ITGAE: variants seen among roughly 807,000 people sequenced by gnomAD.
The protein encoded by ITGAE is integrin subunit alpha E, also known as integrin alpha-E.
In ITGAE, 99 loss-of-function variants were observed where a neutral mutation model predicts 136.5. The observed-to-expected ratio is 0.73, with a 90% CI of 0.62 to 0.86. The LOEUF (loss-of-function observed/expected upper bound fraction) is 0.86, where lower values mean the gene tolerates loss of function less well. Among genes scored for constraint, ITGAE ranks in the 40% least tolerant of loss-of-function variants. ITGAE has a pLI of 0.00. For missense variants in ITGAE, 1,447 were observed against 1,515.3 expected, an observed-to-expected ratio of 0.95 and a Z score of 0.75; for synonymous variants, 613 against 591.8, an observed-to-expected ratio of 1.04 and a Z score of -0.52.
At position 3,787,108 on chromosome 17, in the gene ITGAE, A is replaced by T. The variant is rs377027099; in HGVS notation, c.35-9448T>A. ...CCTAGCAAACCAGGAATCAGAGGGA[A>T]TTTTTTTTTCCTTTTTTTTTTGAGA... On this transcript the variant is annotated intron_variant, in intron 1 of 30. Coordinates refer to ENST00000263087, the MANE Select transcript of ITGAE (RefSeq NM_002208.5). Among the ~76,000 whole-genome samples, 737 of 149,816 alleles carry T rather than the reference A, an allele frequency of 4.9e-3. 8 individuals carry two copies. The highest frequency in any genetic ancestry group is 0.017 in the African/African-American group (699 of 40,850).
At chr17:3,743,168 C>A (rs1042685310) in intron 19 of ITGAE, among the ~76,000 whole-genome samples, 3 of 152,240 alleles carry the variant, frequency 2.0e-5, no homozygotes, top group Non-Finnish European at 2.9e-5. Flanking sequence ...GTCATCAGAG[C>A]CGCTTGCCAA....
chr17:3,772,556 C>T lies in ITGAE; in HGVS notation c.155+4984G>A, dbSNP rs527493329. Among the ~76,000 whole-genome samples the T allele has an allele frequency of 1.6e-3, 244 of 151,932 alleles. 1 individual carries two copies. Among genetic ancestry groups the T allele is most frequent in the Non-Finnish European group, 4.6e-4 (31 of 67,938 alleles). On this transcript the variant is annotated intron_variant, in intron 2 of 30. Transcript: ENST00000263087. ...TCGGCTCACTGCAAGCTCCGCCTCC[C>T]GCGTTCATGCCATTCTCCTGCCTCA...
At chr17:3,791,392 C>T (rs1467977509) in intron 1 of ITGAE, among the ~76,000 whole-genome samples, 3 of 151,990 alleles carry the variant, frequency 2.0e-5, no homozygotes, top group Non-Finnish European at 1.5e-5. Context: ...AAGTGATTCT[C>T]CTGCCTCAGC....
At chr17:3,755,807 C>T (rs1207255621) in intron 11 of ITGAE, 23 bp downstream of exon 11, 3 of 1,573,796 alleles carry the variant, frequency 1.9e-6, no homozygotes, top group Non-Finnish European at 2.6e-6. Flanking sequence ...GCAAGCCTGC[C>T]TGGTGCTGAG....
intron 2 of ITGAE, among the ~76,000 whole-genome samples, chr17:3,770,318 TG>T (rs2052390947): frequency 6.6e-6 from 1 of 151,458 alleles, no homozygotes; most frequent in Non-Finnish European, 1.5e-5. Context: ...TTAGTAGAGA[TG>T]GGTTTTCACC....
intron 28 of ITGAE, among the ~76,000 whole-genome samples, chr17:3,722,728 T>C (rs879635656): frequency 1.3e-5 from 2 of 152,200 alleles, no homozygotes; most frequent in African/African-American, 2.4e-5. Flanking sequence ...CCAGATCAAG[T>C]ACTGCCTTGC....
At chr17:3,790,376 G>A (rs768567941) in intron 1 of ITGAE, among the ~76,000 whole-genome samples, 121 of 151,990 alleles carry the variant, frequency 8.0e-4, no homozygotes, top group Middle Eastern at 6.8e-3. Context: ...GCGTAGTGGC[G>A]CATGCCTGTA....
chr17:3,754,893 C>T (rs12935954), intron 12 of ITGAE, among the ~76,000 whole-genome samples: 1 of 143,346 alleles, frequency 7.0e-6, no homozygotes, highest in Non-Finnish European at 1.5e-5. Flanking sequence ...CCCTCGCCCA[C>T]GTGGCCTCCA....
intron 28 of ITGAE, 83 bp downstream of exon 28, chr17:3,723,205 T>C: frequency 1.0e-6 from 1 of 959,352 alleles, no homozygotes; most frequent in Non-Finnish European, 1.7e-6. Context: ...GGACATGTTA[T>C]GCAAAGATGC....
intron 19 of ITGAE, among the ~76,000 whole-genome samples, chr17:3,740,317 ATCG>A (rs2051554486): frequency 1.3e-5 from 2 of 152,190 alleles, no homozygotes. Context: ...CTAGCCAAAT[ATCG>A]TCAAGGTCCA....
intron 1 of ITGAE, among the ~76,000 whole-genome samples, chr17:3,789,646 A>G (rs1272220399): frequency 1.3e-5 from 2 of 152,058 alleles, no homozygotes; most frequent in Admixed American, 6.6e-5. Context: ...GATTGCAGGC[A>G]TGTGCCACCA....
chr17:3,771,987 T>TCAGTGC (rs72439462), intron 2 of ITGAE, among the ~76,000 whole-genome samples: 11,085 of 152,156 alleles, frequency 0.073, 510 homozygotes, highest in East Asian at 0.18. Context: ...CTCCAAACCC[T>TCAGTGC]CAGTGCCTGG....
intron 29 of ITGAE, among the ~76,000 whole-genome samples, chr17:3,719,257 GA>G (rs1332606820): frequency 3.2e-5 from 4 of 123,648 alleles, no homozygotes; most frequent in African/African-American, 1.2e-4. Flanking sequence ...AAAAAAAAAA[GA>G]AAAGAAAAGA....
intron 20 of ITGAE, among the ~76,000 whole-genome samples, chr17:3,735,640 G>A (rs561791442): frequency 6.6e-6 from 1 of 152,280 alleles, no homozygotes; most frequent in East Asian, 1.9e-4. Flanking sequence ...TAACTTCTTA[G>A]ATAAGTTGCC....
intron 26 of ITGAE, chr17:3,724,283 G>C: frequency 6.3e-7 from 1 of 1,588,304 alleles, no homozygotes; most frequent in Middle Eastern, 1.7e-4. Context: ...CAAGACGCCT[G>C]GGGCTGCGAG....
At chr17:3,796,510 G>A (rs997057216) in intron 1 of ITGAE, among the ~76,000 whole-genome samples, 4 of 152,188 alleles carry the variant, frequency 2.6e-5, no homozygotes, top group Non-Finnish European at 1.5e-5. Flanking sequence ...GGCGATACGC[G>A]GCCCCAGGTC....
intron 14 of ITGAE, 126 bp downstream of exon 14, chr17:3,753,162 GCC>G: frequency 9.8e-7 from 1 of 1,025,530 alleles, no homozygotes; most frequent in Non-Finnish European, 1.4e-6. Flanking sequence ...CCGCCATCCA[GCC>G]TGAGCACCTC....
At chr17:3,735,222 C>G (rs576101281) in intron 20 of ITGAE, among the ~76,000 whole-genome samples, 16 of 152,268 alleles carry the variant, frequency 1.1e-4, no homozygotes, top group African/African-American at 3.9e-4. Flanking sequence ...GGCTGGAGTG[C>G]AATGGCACGA....
At chr17:3,784,371 C>G (rs2143391584) in intron 1 of ITGAE, 1 of 312,264 alleles carries the variant, frequency 3.2e-6, no homozygotes, top group Non-Finnish European at 6.1e-6. Flanking sequence ...AGACAAAACT[C>G]TGTACCCAAC....
Sources: allele counts gnomAD v4.1 joint callset (sites outside exome capture counted in the v4.1 genomes callset), GRCh38; gene constraint gnomAD v4.1.1; transcripts MANE v1.5; gene names NCBI Gene and HGNC (gene_info 2026-07-23, HGNC 2026-07-21).